Variants in THSD7B observed in about 807,000 individuals in gnomAD.
THSD7B encodes the protein thrombospondin type-1 domain-containing protein 7B.
A neutral mutation model predicts 213.6 loss-of-function variants in THSD7B; 138 were observed. The observed-to-expected ratio is 0.65, with a 90% CI of 0.56 to 0.74. THSD7B has a LOEUF of 0.74. THSD7B is among the 30% of genes least tolerant of loss of function. The probability of loss-of-function intolerance (pLI) is 0.00; values close to 1 mark genes in which losing one functional copy is unlikely to be tolerated. For synonymous variants in THSD7B, 742 were observed against 687.0 expected (o/e 1.08, Z -1.25); for missense variants, 1,931 against 1,991.5 (o/e 0.97, Z 0.58).
chr2:137,405,969 A>G lies in THSD7B; in HGVS notation c.2695+162A>G, dbSNP rs538063436. On this transcript the variant is annotated intron_variant, in intron 13 of 27. Coordinates refer to ENST00000409968, the MANE Select transcript of THSD7B (RefSeq NM_001316349.2). ...AACTCAGAACAATGCCTGGTACGTA[A>G]CAAGTACTCAATTAATGTTTCCGAA... 3.5e-3 allele frequency among the ~76,000 whole-genome samples: 535 copies of G among 152,338 alleles called. 2 individuals are homozygous for G. The Middle Eastern group carries it at 0.037, about 11-fold the overall frequency.
At chr2:136,962,297 G>A (rs1388514897) in intron 2 of THSD7B, among the ~76,000 whole-genome samples, 4 of 151,234 alleles carry the variant, frequency 2.6e-5, no homozygotes, top group African/African-American at 4.9e-5. Context: ...TCAGACTTCT[G>A]ACCTTCAAAA....
intron 12 of THSD7B, among the ~76,000 whole-genome samples, chr2:137,287,548 T>G (rs2104827987): frequency 6.6e-6 from 1 of 152,240 alleles, no homozygotes; most frequent in Middle Eastern, 3.4e-3. Flanking sequence ...AAATTGATGA[T>G]AAATTAAAAA....
At chr2:137,032,634 G>A (rs797007974) in intron 2 of THSD7B, among the ~76,000 whole-genome samples, 22 of 152,258 alleles carry the variant, frequency 1.4e-4, no homozygotes, top group African/African-American at 5.1e-4. Flanking sequence ...CTTGTAGGCA[G>A]GCCCTAGTTG....
chr2:136,791,016 T>C (rs919945818), intron 1 of THSD7B, among the ~76,000 whole-genome samples: 1 of 152,034 alleles, frequency 6.6e-6, no homozygotes, highest in Non-Finnish European at 1.5e-5. Context: ...ACTGGGATGT[T>C]TGTGGGACAT....
chr2:137,055,266 G>T (rs2104875523), intron 2 of THSD7B, among the ~76,000 whole-genome samples: 1 of 152,196 alleles, frequency 6.6e-6, no homozygotes, highest in East Asian at 1.9e-4. Context: ...CTTTATAGTA[G>T]AATGATTTAT....
At chr2:136,835,778 A>G (rs1399250766) in intron 1 of THSD7B, among the ~76,000 whole-genome samples, 1 of 152,202 alleles carries the variant, frequency 6.6e-6, no homozygotes, top group Non-Finnish European at 1.5e-5. Context: ...TACTTCCTGA[A>G]TTCCATGGCC....
At chr2:137,192,825 C>T (rs1173343038) in intron 7 of THSD7B, among the ~76,000 whole-genome samples, 1 of 152,068 alleles carries the variant, frequency 6.6e-6, no homozygotes, top group African/African-American at 2.4e-5. Flanking sequence ...TCACCTTTAC[C>T]TTTGGAAAAC....
At chr2:137,315,638 C>G (rs1331994555) in intron 12 of THSD7B, among the ~76,000 whole-genome samples, 1 of 152,064 alleles carries the variant, frequency 6.6e-6, no homozygotes, top group East Asian at 1.9e-4. Flanking sequence ...CCCTCTATCT[C>G]TAGATTATAA....
At chr2:137,594,167 T>C (rs575297695) in intron 17 of THSD7B, among the ~76,000 whole-genome samples, 2 of 152,116 alleles carry the variant, frequency 1.3e-5, no homozygotes, top group African/African-American at 2.4e-5. Flanking sequence ...TGGAGTAGAA[T>C]TGCACTACAG....
intron 14 of THSD7B, among the ~76,000 whole-genome samples, chr2:137,430,305 A>G (rs760109326): frequency 1.3e-5 from 2 of 152,226 alleles, no homozygotes; most frequent in Admixed American, 6.5e-5. Context: ...TAAACTAAGC[A>G]TAACCTTATG....
chr2:137,566,288 G>A (rs1420378829), intron 16 of THSD7B, among the ~76,000 whole-genome samples: 2 of 152,144 alleles, frequency 1.3e-5, no homozygotes, highest in African/African-American at 4.8e-5. Flanking sequence ...GTCGAATTTG[G>A]TCCATTTGCT....
chr2:137,075,790 G>A (rs1345079753), intron 3 of THSD7B, among the ~76,000 whole-genome samples: 2 of 152,162 alleles, frequency 1.3e-5, no homozygotes, highest in African/African-American at 4.8e-5. Flanking sequence ...CTGTGTGTTA[G>A]TTTTCCTTCA....
At chr2:137,382,815 C>G (rs1197499810) in intron 12 of THSD7B, among the ~76,000 whole-genome samples, 2 of 152,176 alleles carry the variant, frequency 1.3e-5, no homozygotes, top group Non-Finnish European at 2.9e-5. Flanking sequence ...TGAGGCACCC[C>G]TAGACCCTGA....
intron 5 of THSD7B, among the ~76,000 whole-genome samples, chr2:137,145,966 T>C (rs996230122): frequency 6.6e-6 from 1 of 152,098 alleles, no homozygotes; most frequent in East Asian, 1.9e-4. Flanking sequence ...AAGACAACTG[T>C]AGTATTTTAA....
intron 5 of THSD7B, among the ~76,000 whole-genome samples, chr2:137,121,137 G>T (rs1183850874): frequency 6.6e-6 from 1 of 152,150 alleles, no homozygotes; most frequent in Non-Finnish European, 1.5e-5. Flanking sequence ...AATGGGCTTA[G>T]CAAAAATATT....
intron 1 of THSD7B, among the ~76,000 whole-genome samples, chr2:136,854,490 C>A (rs1260566410): frequency 6.6e-6 from 1 of 151,942 alleles, no homozygotes; most frequent in Non-Finnish European, 1.5e-5. Context: ...CCCCATCAGG[C>A]CTGTCTCTAG....
intron 15 of THSD7B, among the ~76,000 whole-genome samples, chr2:137,493,924 A>G (rs1653783135): frequency 6.6e-6 from 1 of 152,200 alleles, no homozygotes; most frequent in South Asian, 2.1e-4. Flanking sequence ...CACATCTCAT[A>G]GTACATTACC....
chr2:137,398,850 G>A (rs550820450), intron 12 of THSD7B, among the ~76,000 whole-genome samples: 3 of 152,190 alleles, frequency 2.0e-5, no homozygotes, highest in Non-Finnish European at 2.9e-5. Context: ...AGCCAGGTGC[G>A]GGATATAATC....
At chr2:137,380,147 C>T (rs1685741141) in intron 12 of THSD7B, among the ~76,000 whole-genome samples, 1 of 151,968 alleles carries the variant, frequency 6.6e-6, no homozygotes, top group African/African-American at 2.4e-5. Context: ...CACAGTGGCT[C>T]ACACCTGTAA....
Sources: allele counts gnomAD v4.1 joint callset (sites outside exome capture counted in the v4.1 genomes callset), GRCh38; gene constraint gnomAD v4.1.1; transcripts MANE v1.5; gene names NCBI Gene and HGNC (gene_info 2026-07-23, HGNC 2026-07-21).